Variants in TNK2 observed in about 807,000 individuals in gnomAD.
The protein encoded by TNK2 is activated CDC42 kinase 1.
TNK2 carries 83 observed loss-of-function variants against 101.8 expected under a neutral mutation model. That is an observed-to-expected ratio of 0.82 (90% CI 0.68 to 0.98). TNK2 has a LOEUF of 0.98. Ranked by LOEUF, TNK2 falls within the 50% of genes least tolerant of loss-of-function variation. The pLI is 0.00. For synonymous variants in TNK2, 804 were observed against 633.0 expected (o/e 1.27, Z -4.06); for missense variants, 1,665 against 1,483.2 (o/e 1.12, Z -2.01).
In TNK2 at chr3:195,882,077, C is replaced by T; in HGVS notation, c.861G>A (p.Gln287=). Residue 287 remains glutamine, a synonymous_variant, in exon 6 of 16, where the codon CAG becomes CAA. Coordinates refer to ENST00000672887, the MANE Select transcript of TNK2 (RefSeq NM_001382273.1). This position sits in a 1 kb window ranked among gnomAD's most constrained non-coding sequence, Gnocchi z 4.2. ...LPQNDDHYVM[Q]EHRKVPFAWC... is the part of the protein sequence containing the mutation. ...AGGCGAAGGGCACCTTGCGATGTTC[C>T]TGCATGACGTAATGGTCGTCATTCT... is the stretch of plus-strand genomic sequence containing the variant. 1 of 1,612,060 alleles carries T rather than the reference C, an allele frequency of 6.2e-7. No individual in the cohort carries two copies. Among genetic ancestry groups the T allele is most frequent in the Non-Finnish European group, 8.5e-7 (1 of 1,178,644 alleles).
chr3:195,906,277 G>A (rs1375385870), intron 1 of TNK2, among the ~76,000 whole-genome samples: 1 of 152,120 alleles, frequency 6.6e-6, no homozygotes, highest in Non-Finnish European at 1.5e-5. Context: ...TTTCTTAAAG[G>A]TTAAATGTGT....
chr3:195,887,153 C>T, intron 2 of TNK2, 106 bp from the exon 3 acceptor site: 2 of 1,097,132 alleles, frequency 1.8e-6, no homozygotes, highest in Non-Finnish European at 2.7e-6. Context: ...ACACCGCCCA[C>T]CCGATGATAG....
chr3:195,876,688 C>T, intron 9 of TNK2: 1 of 453,444 alleles, frequency 2.2e-6, no homozygotes, highest in Non-Finnish European at 4.4e-6. Context: ...GAAGGAGCCC[C>T]CAGAGCCCCA....
Position 195,878,160 on chromosome 3 carries a change from G to C in TNK2, c.1256+93C>G. On this transcript the variant is annotated intron_variant, in intron 9 of 15. Coordinates refer to ENST00000672887, the MANE Select transcript of TNK2 (RefSeq NM_001382273.1). This position sits in a 1 kb window ranked among gnomAD's most constrained non-coding sequence, Gnocchi z 4.7. ...ACCGCCAGCCTGTATGTGGCCAAGGGAATCTTGGAGGCCAAACAGATCTGT... is the reference window on the plus strand; with the variant it reads ...ACCGCCAGCCTGTATGTGGCCAAGGCAATCTTGGAGGCCAAACAGATCTGT... 1 of 1,357,096 alleles carries C rather than the reference G, an allele frequency of 7.4e-7. No homozygotes were observed. The highest frequency in any genetic ancestry group is 1.1e-6 in the Non-Finnish European group (1 of 951,412). The allele number at this position is 1,357,096 out of a possible 1,614,324, so 84.1% of individuals were successfully genotyped here.
chr3:195,893,651 C>G (rs552938322), intron 1 of TNK2, among the ~76,000 whole-genome samples: 1 of 152,194 alleles, frequency 6.6e-6, no homozygotes, highest in Admixed American at 6.5e-5. Flanking sequence ...CCCCTCGCTA[C>G]GGCCCCCAGA....
chr3:195,879,868 G>A (rs1421285781), intron 6 of TNK2, among the ~76,000 whole-genome samples: 7 of 152,014 alleles, frequency 4.6e-5, no homozygotes, highest in Admixed American at 1.3e-4. Context: ...ACAATAACCC[G>A]CCCACTTCAT....
In TNK2 at chr3:195,868,164, G is replaced by A. The variant is rs1256969807; in HGVS notation, c.2134C>T (p.Pro712Ser). The A allele has an allele frequency of 6.2e-7, 1 of 1,610,518 alleles. No individual in the cohort carries two copies. Among genetic ancestry groups the A allele is most frequent in the Non-Finnish European group, 8.5e-7 (1 of 1,179,082 alleles). ...TCTGCGGTCTGTGCGGAGCTGGGCG[G>A]CTTGCCCCCACCCTGGGGCGGGAGG... ...LFLPPQGGGK[P>S]PSSAQTAEIF... Residue 712 changes from proline to serine, a missense_variant, in exon 13 of 16, where the codon CCG becomes TCG. Physicochemically the swap from Pro to Ser is moderately conservative, Grantham distance 74. Coordinates refer to ENST00000672887, the MANE Select transcript of TNK2 (RefSeq NM_001382273.1).
chr3:195,892,747 T>TC (rs1219853799), intron 1 of TNK2: 1 of 1,336,754 alleles, frequency 7.5e-7, no homozygotes, highest in East Asian at 3.0e-5. Flanking sequence ...AGGGCAGTGG[T>TC]CACAGTCCAG....
chr3:195,868,468 G>A lies in TNK2; in HGVS notation c.1830C>T (p.Asp610=), dbSNP rs1469040531. Reference sequence around the variant, plus strand: ...GGGTCTCGTCCAGCAGGGAGCAGGCGTCCATGGCCAGCTGCGCCAGGGAGG... The same window carrying A: ...GGGTCTCGTCCAGCAGGGAGCAGGCATCCATGGCCAGCTGCGCCAGGGAGG... ...CAPSLAQLAM[D]ACSLLDETPP... is the part of the protein sequence containing the mutation. Residue 610 remains aspartate, a synonymous_variant, in exon 13 of 16, where the codon GAC becomes GAT. Transcript: ENST00000672887. The A allele has an allele frequency of 1.7e-5, 26 of 1,555,706 alleles. No homozygotes were observed. Among genetic ancestry groups the A allele is most frequent in the African/African-American group, 5.5e-5 (4 of 72,660 alleles).
At chr3:195,892,576 A>G (rs965852397) in intron 1 of TNK2, 22 of 1,477,836 alleles carry the variant, frequency 1.5e-5, no homozygotes, top group Non-Finnish European at 1.9e-5. Flanking sequence ...GAGCCCCCCA[A>G]ATCCCACACC....
chr3:195,872,667 C>T (rs1405304673), intron 9 of TNK2, 197 bp from the exon 10 acceptor site: 1 of 588,278 alleles, frequency 1.7e-6, no homozygotes, highest in Non-Finnish European at 2.9e-6. Context: ...TGCACACGGC[C>T]TTACCCACAA....
At chr3:195,876,550 A>G (rs1227105207) in intron 9 of TNK2, 3 of 456,762 alleles carry the variant, frequency 6.6e-6, no homozygotes, top group East Asian at 6.9e-5. Flanking sequence ...GCCACCACCG[A>G]CACCCAGGCC....
intron 1 of TNK2, among the ~76,000 whole-genome samples, chr3:195,902,329 CAGTA>C (rs1761281634): frequency 6.6e-6 from 1 of 152,100 alleles, no homozygotes; most frequent in Non-Finnish European, 1.5e-5. Flanking sequence ...ATTTAAGAGA[CAGTA>C]AGGGCCGGGC....
chr3:195,867,045 G>A (rs747465712), intron 14 of TNK2, 29 bp from the exon 15 acceptor site: 88 of 1,612,034 alleles, frequency 5.5e-5, no homozygotes, highest in African/African-American at 8.0e-5. Context: ...CCATGGACAC[G>A]CGGGCCCAGG....
In TNK2 at chr3:195,870,368, TG is replaced by T. The variant is rs762966891; in HGVS notation, c.1452-164del. On this transcript the variant is annotated intron_variant, in intron 10 of 15. Coordinates refer to ENST00000672887, the MANE Select transcript of TNK2 (RefSeq NM_001382273.1). ...ACAGAACCTGACCGCACGTCTCAGC[TG>T]GGGGGTGTCCTGGAGAGAAGGCAGA... is the stretch of plus-strand genomic sequence containing the variant. The T allele has an allele frequency of 9.1e-5, 135 of 1,487,190 alleles. 1 individual carries two copies. In the African/African-American group the frequency reaches 1.3e-3, roughly 14 times the overall value. 92.1% of individuals were successfully genotyped at this position (1,487,190 alleles called of 1,614,324 possible). A position where few individuals can be genotyped will look rare whatever the true frequency, so the allele number is the denominator to read the frequency against.
At position 195,876,401 on chromosome 3, in the gene TNK2, C is replaced by G. The variant is rs556487292; in HGVS notation, c.1256+1852G>C. 19 of 456,638 alleles carry G rather than the reference C, an allele frequency of 4.2e-5. 1 individual carries two copies. The highest frequency in any genetic ancestry group is 2.6e-4 in the South Asian group (17 of 64,562). The allele number at this position is 456,638 out of a possible 1,614,324, so 28.3% of individuals were successfully genotyped here. A position where few individuals can be genotyped will look rare whatever the true frequency, so the allele number is the denominator to read the frequency against. ...AGAAGGCCAGGCTAGGAGGGAACTC[C>G]AAACACAGACCCACAGATGCACACC... On this transcript the variant is annotated intron_variant, in intron 9 of 15. Transcript: ENST00000672887.
In TNK2 at chr3:195,882,935, T is replaced by A. The variant is rs1244905817; in HGVS notation, c.609+222A>T. Among the ~76,000 whole-genome samples the A allele has an allele frequency of 1.3e-5, 2 of 152,156 alleles. No individual in the cohort carries two copies. The highest frequency in any genetic ancestry group is 2.4e-5 in the African/African-American group (1 of 41,446). ...GCCCCTCCCATGGGAGTAACTCTCTTGACACTGAGCACCAGCAAAATCCAG... is the reference window on the plus strand; with the variant it reads ...GCCCCTCCCATGGGAGTAACTCTCTAGACACTGAGCACCAGCAAAATCCAG... On this transcript the variant is annotated intron_variant, in intron 5 of 15. Transcript: ENST00000672887. The surrounding 1 kb of genome is among the most constrained non-coding windows in gnomAD (Gnocchi z 4.2).
chr3:195,899,625 C>T (rs556224116), intron 1 of TNK2, among the ~76,000 whole-genome samples: 5 of 152,332 alleles, frequency 3.3e-5, no homozygotes, highest in African/African-American at 7.2e-5. Context: ...CCACTGCGCC[C>T]GGCCAAGAAT....
At chr3:195,892,097 T>C (rs1758724679) in intron 1 of TNK2, 3 of 749,076 alleles carry the variant, frequency 4.0e-6, no homozygotes, top group Non-Finnish European at 5.3e-6. Flanking sequence ...CAAGGTTCTT[T>C]GTGCAGCACA....
Sources: gnomAD v4.1 joint callset for allele counts (sites outside exome capture counted in the v4.1 genomes callset) on GRCh38, gnomAD v4.1.1 for gene constraint, Gnocchi (gnomAD v3.1) non-coding constraint, MANE v1.5 for transcripts, NCBI Gene and HGNC (gene_info 2026-07-23, HGNC 2026-07-21) for gene names.